CENPP: variants seen among roughly 807,000 people sequenced by gnomAD.
CENPP encodes centromere protein P.
Under a neutral mutation model 35.6 loss-of-function variants are expected in CENPP, and 24 were observed. The observed-to-expected ratio is 0.67, with a 90% CI of 0.49 to 0.95. The LOEUF is 0.95. Among genes scored for constraint, CENPP ranks in the 40% least tolerant of loss-of-function variants. The probability of loss-of-function intolerance (pLI) is 0.00; values close to 1 mark genes in which losing one functional copy is unlikely to be tolerated. For missense variants in CENPP, 332 were observed against 345.3 expected, an observed-to-expected ratio of 0.96 and a Z score of 0.31; for synonymous variants, 120 against 125.5, an observed-to-expected ratio of 0.96 and a Z score of 0.29.
chr9:92,383,769 C>T (rs1406218966), intron 5 of CENPP, among the ~76,000 whole-genome samples: 2 of 151,676 alleles, frequency 1.3e-5, no homozygotes, highest in African/African-American at 4.8e-5. Context: ...GTTCTTTCTC[C>T]CTTATCATTA....
chr9:92,402,027 A>G (rs1843136114), intron 5 of CENPP, among the ~76,000 whole-genome samples: 1 of 152,124 alleles, frequency 6.6e-6, no homozygotes, highest in Non-Finnish European at 1.5e-5. Flanking sequence ...CACTCCACAA[A>G]TATCTTAGAC....
intron 5 of CENPP, among the ~76,000 whole-genome samples, chr9:92,567,852 T>A (rs1244984097): frequency 1.3e-5 from 2 of 151,630 alleles, no homozygotes; most frequent in Non-Finnish European, 2.9e-5. Flanking sequence ...ACAGAACTTG[T>A]ACAAAAGGAA....
chr9:92,579,920 A>ATGAT (rs1176028179), intron 5 of CENPP, among the ~76,000 whole-genome samples: 1 of 149,024 alleles, frequency 6.7e-6, no homozygotes, highest in African/African-American at 2.5e-5. Flanking sequence ...CCCATTCAGT[A>ATGAT]TGATATTGGC....
chr9:92,460,767 C>T (rs980820982), intron 5 of CENPP, among the ~76,000 whole-genome samples: 2 of 152,134 alleles, frequency 1.3e-5, no homozygotes, highest in African/African-American at 2.4e-5. Context: ...ACCTCCATCT[C>T]CTGGGTTCAA....
At chr9:92,551,314 A>T (rs994674411) in intron 5 of CENPP, among the ~76,000 whole-genome samples, 1 of 152,070 alleles carries the variant, frequency 6.6e-6, no homozygotes, top group African/African-American at 2.4e-5. Context: ...ATTGTGATAT[A>T]GCATACTTCC....
At chr9:92,570,081 C>A (rs148933155) in intron 5 of CENPP, among the ~76,000 whole-genome samples, 1 of 152,010 alleles carries the variant, frequency 6.6e-6, no homozygotes, top group African/African-American at 2.4e-5. Context: ...TTCTTTCTCC[C>A]GCCTGATTGC....
At chr9:92,399,565 A>G (rs1843025592) in intron 5 of CENPP, among the ~76,000 whole-genome samples, 1 of 151,990 alleles carries the variant, frequency 6.6e-6, no homozygotes, top group Admixed American at 6.6e-5. Context: ...GGTCAAATTT[A>G]TTGTTCTGTT....
chr9:92,378,998 T>C (rs530265721), intron 4 of CENPP, among the ~76,000 whole-genome samples: 43 of 152,338 alleles, frequency 2.8e-4, no homozygotes, highest in African/African-American at 9.9e-4. Flanking sequence ...AAGGTCCACC[T>C]GCAGTTAGGA....
chr9:92,576,934 T>C (rs1417066108), intron 5 of CENPP, among the ~76,000 whole-genome samples: 1 of 152,104 alleles, frequency 6.6e-6, no homozygotes, highest in Non-Finnish European at 1.5e-5. Flanking sequence ...AAATGGTGAG[T>C]AAACAAATGT....
Position 92,546,898 on chromosome 9 carries a change from A to G in CENPP, c.565-64416A>G, listed in dbSNP as rs371014873. Among the ~76,000 whole-genome samples, 35 of 152,320 alleles carry G rather than the reference A, an allele frequency of 2.3e-4. 1 individual carries two copies. Among genetic ancestry groups the G allele is most frequent in the African/African-American group, 8.4e-4 (35 of 41,564 alleles). ...AATTTCAAATCTTCCCACAAGAGAT[A>G]CCACAGGTCTCTATATTCTTCACGA... On this transcript the variant is annotated intron_variant, in intron 5 of 7. Coordinates refer to ENST00000375587, the MANE Select transcript of CENPP (RefSeq NM_001012267.3).
chr9:92,569,221 A>G (rs942836545), intron 5 of CENPP, among the ~76,000 whole-genome samples: 8 of 152,212 alleles, frequency 5.3e-5, no homozygotes, highest in African/African-American at 1.7e-4. Flanking sequence ...TAGGTCTAAC[A>G]TTTAAATCTC....
At chr9:92,581,323 A>G (rs1466257027) in intron 5 of CENPP, among the ~76,000 whole-genome samples, 1 of 152,176 alleles carries the variant, frequency 6.6e-6, no homozygotes, top group East Asian at 1.9e-4. Context: ...GCATTCTATA[A>G]GACATACATT....
intron 4 of CENPP, among the ~76,000 whole-genome samples, chr9:92,376,644 G>A (rs1176957909): frequency 6.6e-6 from 1 of 152,316 alleles, no homozygotes. Flanking sequence ...AGGATGTGAA[G>A]AAGCTGGCCG....
At chr9:92,464,990 G>T (rs764257845) in intron 5 of CENPP, 1 of 1,613,968 alleles carries the variant, frequency 6.2e-7, no homozygotes, top group Non-Finnish European at 8.5e-7. Context: ...AAATGCCCCT[G>T]GCTCTATCCC....
intron 5 of CENPP, among the ~76,000 whole-genome samples, chr9:92,556,281 T>G (rs1311574056): frequency 6.6e-6 from 1 of 152,198 alleles, no homozygotes; most frequent in African/African-American, 2.4e-5. Flanking sequence ...TTTTTTAAAT[T>G]TATTGAGACT....
At chr9:92,554,448 G>T (rs536395692) in intron 5 of CENPP, among the ~76,000 whole-genome samples, 2 of 152,328 alleles carry the variant, frequency 1.3e-5, no homozygotes, top group East Asian at 3.9e-4. Context: ...CTCCCAAAGT[G>T]CTGGGATTAC....
At chr9:92,391,439 C>T (rs1298035917) in intron 5 of CENPP, among the ~76,000 whole-genome samples, 2 of 150,636 alleles carry the variant, frequency 1.3e-5, no homozygotes, top group Non-Finnish European at 3.0e-5. Context: ...AATTAAATTA[C>T]AATAAAACAA....
chr9:92,362,274 A>T lies in CENPP; in HGVS notation c.467+16487A>T, dbSNP rs149246086. Among the ~76,000 whole-genome samples, 474 of 152,092 alleles carry T rather than the reference A, an allele frequency of 3.1e-3. 1 individual carries two copies. Among genetic ancestry groups the T allele is most frequent in the African/African-American group, 0.01 (433 of 41,496 alleles). The stretch of plus-strand genomic sequence containing the variant: ...GCATGCCTATAGTTCTAGCTACCTG[A>T]GGGGCTGAGGCAAGAGTATCATTTG... On this transcript the variant is annotated intron_variant, in intron 4 of 7. Transcript: ENST00000375587.
chr9:92,416,068 A>ATTTATT (rs1554760092), intron 5 of CENPP, among the ~76,000 whole-genome samples: 5 of 136,998 alleles, frequency 3.6e-5, no homozygotes, highest in Admixed American at 2.3e-4. Context: ...GTATATATAT[A>ATTTATT]TATTTATTTA....
Sources: allele counts gnomAD v4.1 joint callset (sites outside exome capture counted in the v4.1 genomes callset), GRCh38; gene constraint gnomAD v4.1.1; transcripts MANE v1.5; gene names NCBI Gene and HGNC (gene_info 2026-07-23, HGNC 2026-07-21).